ADGRL2: variants seen among roughly 807,000 people sequenced by gnomAD.
ADGRL2 encodes calcium-independent alpha-latrotoxin receptor 2.
ADGRL2 carries 44 observed loss-of-function variants against 157.4 expected under a neutral mutation model. That is an observed-to-expected ratio of 0.28 (90% CI 0.22 to 0.36). The LOEUF is 0.36. Among genes scored for constraint, ADGRL2 ranks in the 10% least tolerant of loss-of-function variants. The pLI, the probability that ADGRL2 is intolerant of heterozygous loss-of-function variation, is 1.00. For missense variants in ADGRL2, 1,510 were observed against 1,768.9 expected, an observed-to-expected ratio of 0.85 and a Z score of 2.63; for synonymous variants, 585 against 624.7, an observed-to-expected ratio of 0.94 and a Z score of 0.95.
chr1:81,734,067 G>A (rs1282177866), intron 1 of ADGRL2, among the ~76,000 whole-genome samples: 29 of 151,950 alleles, frequency 1.9e-4, no homozygotes, highest in Admixed American at 1.8e-3. Context: ...ACCTGAGGTC[G>A]GGAGTTCGAG....
chr1:81,940,742 A>AT (rs1422060573), intron 4 of ADGRL2, among the ~76,000 whole-genome samples: 2 of 151,586 alleles, frequency 1.3e-5, no homozygotes, highest in African/African-American at 4.8e-5. Context: ...ACCCTGATGC[A>AT]TTTTAACAAC....
At chr1:81,806,514 T>C (rs1313629925) in intron 1 of ADGRL2, among the ~76,000 whole-genome samples, 1 of 152,032 alleles carries the variant, frequency 6.6e-6, no homozygotes, top group East Asian at 1.9e-4. Flanking sequence ...AGCGTTTTAG[T>C]ATCTTAATAT....
chr1:81,390,423 A>G (rs1357314125), intron 1 of ADGRL2, among the ~76,000 whole-genome samples: 6 of 152,306 alleles, frequency 3.9e-5, no homozygotes, highest in African/African-American at 7.2e-5. Flanking sequence ...GGTATAACAT[A>G]TTGGTATTAA....
At chr1:81,783,851 G>C (rs1292118656) in intron 2 of ADGRL2, among the ~76,000 whole-genome samples, 1 of 152,130 alleles carries the variant, frequency 6.6e-6, no homozygotes, top group African/African-American at 2.4e-5. Flanking sequence ...ACTGTTTTAT[G>C]CTATTAAAGA....
chr1:81,960,470 T>G (rs1305868890), intron 11 of ADGRL2, among the ~76,000 whole-genome samples: 1 of 152,076 alleles, frequency 6.6e-6, no homozygotes, highest in Non-Finnish European at 1.5e-5. Context: ...TTATTGTCTT[T>G]TTTTTTTCTT....
At chr1:81,700,330 C>A (rs1570878672) in intron 1 of ADGRL2, among the ~76,000 whole-genome samples, 1 of 152,266 alleles carries the variant, frequency 6.6e-6, no homozygotes, top group Admixed American at 6.5e-5. Context: ...ACGGATCTCT[C>A]TGGCAAATAA....
chr1:81,360,866 A>G (rs1175092139), intron 1 of ADGRL2, among the ~76,000 whole-genome samples: 1 of 151,998 alleles, frequency 6.6e-6, no homozygotes, highest in East Asian at 1.9e-4. Context: ...AGAAAAAAAT[A>G]TTTTGCATGA....
intron 1 of ADGRL2, among the ~76,000 whole-genome samples, chr1:81,411,215 GT>G (rs2076939806): frequency 1.3e-5 from 2 of 152,186 alleles, no homozygotes; most frequent in Non-Finnish European, 2.9e-5. Flanking sequence ...ATTCAGGAGT[GT>G]TTTCCAGAGT....
At chr1:81,668,852 G>T (rs565426723) in intron 3 of ADGRL2, among the ~76,000 whole-genome samples, 2 of 152,254 alleles carry the variant, frequency 1.3e-5, no homozygotes, top group Non-Finnish European at 2.9e-5. Context: ...TTACAGGCGT[G>T]AGCCACTGCG....
In ADGRL2 at chr1:81,608,415, TCTGTTATA is replaced by T. The variant is rs145179071; in HGVS notation, c.-143+27438_-143+27445del. The stretch of plus-strand genomic sequence containing the variant: ...TTTCTTTGCTAGTTTCATGTCCATA[TCTGTTATA>T]CTTTGCTAAAGTCTTTAGATCTCAT... On this transcript the variant is annotated intron_variant, in intron 3 of 24. Transcript: ENST00000370721. Among the ~76,000 whole-genome samples, 939 of 152,312 alleles carry T rather than the reference TCTGTTATA, an allele frequency of 6.2e-3. 2 individuals carry two copies. The highest frequency in any genetic ancestry group is 9.2e-3 in the Non-Finnish European group (627 of 68,030).
chr1:81,464,690 G>C (rs529944216), intron 2 of ADGRL2, among the ~76,000 whole-genome samples: 1 of 152,112 alleles, frequency 6.6e-6, no homozygotes. Context: ...TCCAGAACAA[G>C]TCTATAAGGC....
chr1:81,851,781 C>T (rs1357132550), intron 2 of ADGRL2, among the ~76,000 whole-genome samples: 1 of 132,876 alleles, frequency 7.5e-6, no homozygotes, highest in Admixed American at 7.4e-5. Flanking sequence ...TGTATTCTGG[C>T]TGTCAGAATT....
At chr1:81,414,420 T>A (rs970343840) in intron 1 of ADGRL2, 2 of 152,240 alleles carry the variant, frequency 1.3e-5, no homozygotes, top group African/African-American at 4.8e-5. Flanking sequence ...AAAACTGATT[T>A]AAATTCGTGT....
At chr1:81,785,487 C>T (rs912554212) in intron 2 of ADGRL2, among the ~76,000 whole-genome samples, 14 of 151,912 alleles carry the variant, frequency 9.2e-5, no homozygotes, top group South Asian at 2.1e-4. Flanking sequence ...CAGCACTTTG[C>T]GAGGCTGAAG....
At chr1:81,435,087 C>T (rs1027805634) in intron 1 of ADGRL2, among the ~76,000 whole-genome samples, 1 of 152,176 alleles carries the variant, frequency 6.6e-6, no homozygotes, top group Admixed American at 6.5e-5. Context: ...TTAAGTTAGA[C>T]AGCTTTACAG....
intron 1 of ADGRL2, chr1:81,722,780 G>A (rs1360729089): frequency 2.6e-6 from 2 of 767,074 alleles, no homozygotes; most frequent in African/African-American, 1.7e-5. Context: ...AGAGCCCGGA[G>A]GGAGGAAGAA....
intron 2 of ADGRL2, among the ~76,000 whole-genome samples, chr1:81,772,840 A>T (rs1025357716): frequency 2.6e-5 from 4 of 152,148 alleles, no homozygotes; most frequent in African/African-American, 9.7e-5. Context: ...ATAGCTATAA[A>T]CTTTAATATT....
At chr1:81,572,928 G>T (rs997676909) in intron 2 of ADGRL2, among the ~76,000 whole-genome samples, 2 of 150,408 alleles carry the variant, frequency 1.3e-5, no homozygotes, top group African/African-American at 4.9e-5. Flanking sequence ...GGGCGTGAAT[G>T]TTTATGGGAA....
chr1:81,919,984 A>T (rs976453743), intron 3 of ADGRL2, among the ~76,000 whole-genome samples: 2 of 152,212 alleles, frequency 1.3e-5, no homozygotes, highest in South Asian at 4.1e-4. Context: ...AATATAATTT[A>T]AATATTCATC....
Sources: gnomAD v4.1 joint callset for allele counts (sites outside exome capture counted in the v4.1 genomes callset) on GRCh38, gnomAD v4.1.1 for gene constraint, MANE v1.5 for transcripts, NCBI Gene and HGNC (gene_info 2026-07-23, HGNC 2026-07-21) for gene names.